CUEDC1: variants seen among roughly 807,000 people sequenced by gnomAD.
The protein encoded by CUEDC1 is CUE domain-containing protein 1.
In CUEDC1, 30 loss-of-function variants were observed where a neutral mutation model predicts 43.7. That is an observed-to-expected ratio of 0.69 (90% CI 0.51 to 0.93). The LOEUF (loss-of-function observed/expected upper bound fraction) is 0.93, where lower values mean the gene tolerates loss of function less well. Ranked by LOEUF, CUEDC1 falls within the 40% of genes least tolerant of loss-of-function variation. The pLI is 0.00. For missense variants in CUEDC1, 486 were observed against 549.0 expected, an observed-to-expected ratio of 0.89 and a Z score of 1.15; for synonymous variants, 223 against 223.6, an observed-to-expected ratio of 1.00 and a Z score of 0.02.
chr17:57,864,251 T>C (rs1164101899), intron 10 of CUEDC1, among the ~76,000 whole-genome samples: 1 of 151,906 alleles, frequency 6.6e-6, no homozygotes, highest in Admixed American at 6.6e-5. Context: ...AAAGAAAATC[T>C]TGGGTGCAGC....
chr17:57,890,250 A>G (rs2074340788), intron 1 of CUEDC1, among the ~76,000 whole-genome samples: 1 of 152,208 alleles, frequency 6.6e-6, no homozygotes, highest in South Asian at 2.1e-4. Flanking sequence ...AAATTCAGCC[A>G]TGTGTGCCCC....
rs562405927 is a variant in CUEDC1, at chr17:57,880,751, C to T, written c.337-1013G>A. ...CCTCCCAAGTAGATGGAATTACAGG[C>T]GTGCGCCACCACCCCTGGCTAATCT... On this transcript the variant is annotated intron_variant, in intron 2 of 10. Transcript: ENST00000577830. Among the ~76,000 whole-genome samples, 21 of 152,310 alleles carry T rather than the reference C, an allele frequency of 1.4e-4. No individual in the cohort carries two copies. In the South Asian group the frequency reaches 2.7e-3, roughly 20 times the overall value.
At chr17:57,903,935 T>C (rs2074500592) in intron 1 of CUEDC1, among the ~76,000 whole-genome samples, 1 of 120,518 alleles carries the variant, frequency 8.3e-6, no homozygotes, top group East Asian at 1.7e-3. Context: ...GAGACCGTGT[T>C]TCAAAAAAAA....
At chr17:57,939,314 G>T (rs989492162) in intron 1 of CUEDC1, among the ~76,000 whole-genome samples, 4 of 151,896 alleles carry the variant, frequency 2.6e-5, no homozygotes, top group African/African-American at 9.7e-5. Flanking sequence ...GTGAAGACTG[G>T]AGTGCAGTGG....
chr17:57,921,620 C>A lies in CUEDC1; in HGVS notation c.-316+33605G>T, dbSNP rs1438373981. On this transcript the variant is annotated intron_variant, in intron 1 of 10. Coordinates refer to ENST00000577830, the MANE Select transcript of CUEDC1 (RefSeq NM_001271875.2). ...CTCTCCCGGTTTCTCTGCAGGCTCA[C>A]GAGGGCTGGGGAGCTTCTGTCCCAG... Among the ~76,000 whole-genome samples the A allele has an allele frequency of 7.2e-5, 11 of 152,344 alleles. No individual in the cohort carries two copies. In the East Asian group the frequency reaches 2.1e-3, roughly 29 times the overall value.
chr17:57,926,612 G>T (rs982750845), intron 1 of CUEDC1, among the ~76,000 whole-genome samples: 1 of 152,050 alleles, frequency 6.6e-6, no homozygotes, highest in Non-Finnish European at 1.5e-5. Context: ...GGACAACATA[G>T]CAAGACCCTG....
At chr17:57,947,768 A>G (rs1229972882) in intron 1 of CUEDC1, among the ~76,000 whole-genome samples, 1 of 152,148 alleles carries the variant, frequency 6.6e-6, no homozygotes, top group Non-Finnish European at 1.5e-5. Context: ...ACCACACTGC[A>G]CTCCAGCCTG....
chr17:57,936,039 C>T (rs1282633040), intron 1 of CUEDC1, among the ~76,000 whole-genome samples: 3 of 152,220 alleles, frequency 2.0e-5, no homozygotes, highest in Admixed American at 2.0e-4. Flanking sequence ...TTATGTCATT[C>T]ATTATCGCTA....
At chr17:57,931,064 A>G (rs2074799046) in intron 1 of CUEDC1, among the ~76,000 whole-genome samples, 1 of 152,142 alleles carries the variant, frequency 6.6e-6, no homozygotes, top group Non-Finnish European at 1.5e-5. Flanking sequence ...TGAGACAGGC[A>G]GATTACTCGA....
rs2073876828 is a variant in CUEDC1 at position 57,861,766 on chromosome 17, G to C, written c.*1523C>G. ...CGCGGGGAAGGCTCAGAGACCCGTCGAGAACTCGAGCTGGGGTACCGAGGC... is the reference window on the plus strand; with the variant it reads ...CGCGGGGAAGGCTCAGAGACCCGTCCAGAACTCGAGCTGGGGTACCGAGGC... On this transcript the variant is annotated 3_prime_UTR_variant, in exon 11 of 11. Transcript: ENST00000577830. 6.6e-6 allele frequency: 1 copy of C among 152,000 alleles called. No homozygotes were observed. The highest frequency in any genetic ancestry group is 6.6e-5 in the Admixed American group (1 of 15,266). 9.4% of individuals were successfully genotyped at this position (152,000 alleles called of 1,614,324 possible).
intron 9 of CUEDC1, chr17:57,867,132 C>T (rs532283148): frequency 1.7e-6 from 1 of 600,180 alleles, no homozygotes; most frequent in African/African-American, 1.8e-5. Context: ...TACAGGTACA[C>T]ATCTAGGTGG....
At chr17:57,925,514 CAA>C (rs146325316) in intron 1 of CUEDC1, among the ~76,000 whole-genome samples, 18,936 of 152,100 alleles carry the variant, frequency 0.12, 1,603 homozygotes, top group African/African-American at 0.24. Context: ...AGAAGTTTGG[CAA>C]AGACACTGCA....
chr17:57,871,502 A>T, intron 5 of CUEDC1, 133 bp from the exon 6 acceptor site: 1 of 663,478 alleles, frequency 1.5e-6, no homozygotes, highest in Non-Finnish European at 2.7e-6. Context: ...GGCACCCAAA[A>T]TATGAGTGCA....
At position 57,918,573 on chromosome 17, in the gene CUEDC1, A is replaced by T. The variant is rs1286545377; in HGVS notation, c.-315-32694T>A. 2.0e-5 allele frequency among the ~76,000 whole-genome samples: 3 copies of T among 152,380 alleles called. No individual in the cohort carries two copies. The East Asian group carries it at 5.8e-4, about 29-fold the overall frequency. On this transcript the variant is annotated intron_variant, in intron 1 of 10. Transcript: ENST00000577830. ...TTTTAGGATTAGAATTAGGAAGCTG[A>T]CACAGGGACACCTGTTTAACCTGTT...
At chr17:57,941,551 T>G (rs982253658) in intron 1 of CUEDC1, among the ~76,000 whole-genome samples, 1 of 152,228 alleles carries the variant, frequency 6.6e-6, no homozygotes, top group African/African-American at 2.4e-5. Context: ...ACAGAAGAAC[T>G]GGAGCCAGGG....
intron 4 of CUEDC1, 90 bp downstream of exon 4, chr17:57,873,501 G>GCCT: frequency 7.2e-7 from 1 of 1,397,072 alleles, no homozygotes; most frequent in Non-Finnish European, 9.6e-7. Flanking sequence ...TTAAACATCA[G>GCCT]GAAGTAAAAC....
intron 1 of CUEDC1, among the ~76,000 whole-genome samples, chr17:57,923,876 T>C (rs2074719919): frequency 6.6e-6 from 1 of 152,240 alleles, no homozygotes; most frequent in Admixed American, 6.5e-5. Flanking sequence ...ATCATCATCT[T>C]TATTGTACAC....
intron 1 of CUEDC1, among the ~76,000 whole-genome samples, chr17:57,913,143 T>C (rs542608712): frequency 6.6e-6 from 1 of 151,688 alleles, no homozygotes; most frequent in Non-Finnish European, 1.5e-5. Context: ...CTGGCCAACA[T>C]GGTAAAACCC....
intron 1 of CUEDC1, among the ~76,000 whole-genome samples, chr17:57,886,869 A>AGTGCAGCG (rs2074297276): frequency 7.7e-6 from 1 of 130,456 alleles, no homozygotes. Context: ...CCCAGGCTGG[A>AGTGCAGCG]GTGCAGCGGC....
Sources: gnomAD v4.1 joint callset for allele counts (sites outside exome capture counted in the v4.1 genomes callset) on GRCh38, gnomAD v4.1.1 for gene constraint, MANE v1.5 for transcripts, NCBI Gene and HGNC (gene_info 2026-07-23, HGNC 2026-07-21) for gene names.